PCDH8: variants seen among roughly 807,000 people sequenced by gnomAD.
PCDH8 encodes the protein protocadherin-8.
PCDH8 carries 36 observed loss-of-function variants against 58.2 expected under a neutral mutation model. The ratio of observed to expected loss-of-function variants is 0.62; its 90% CI spans 0.47 to 0.82. PCDH8 has a LOEUF of 0.82. PCDH8 is among the 40% of genes least tolerant of loss of function. The pLI, the probability that PCDH8 is intolerant of heterozygous loss-of-function variation, is 0.00. For synonymous variants in PCDH8, 775 were observed against 728.9 expected (o/e 1.06, Z -1.02); for missense variants, 1,493 against 1,567.8 (o/e 0.95, Z 0.81).
In PCDH8 at chr13:52,845,778, G is replaced by A. The variant is rs756592972; in HGVS notation, c.2631+28C>T. The A allele has an allele frequency of 1.9e-5, 29 of 1,496,664 alleles. No homozygotes were observed. In the South Asian group the frequency reaches 3.8e-4, roughly 20 times the overall value. 92.7% of individuals were successfully genotyped at this position (1,496,664 alleles called of 1,614,324 possible). On this transcript the variant is annotated intron_variant, in intron 1 of 2. Coordinates refer to ENST00000377942, the MANE Select transcript of PCDH8 (RefSeq NM_002590.4). ...CCAGCCTGTCCGCGGAGCTCGGAGG[G>A]GGGCGCCCAGCCGAAGGAAGGCCTC...
At position 52,846,754 on chromosome 13, in the gene PCDH8, G is replaced by T. The variant is rs776135802; in HGVS notation, c.1683C>A (p.Ile561=). ...CATAGTCGAAGCTGCGCAGCGCGTA[G>T]ATGGCTCCGGTAGCTGGGTCCACCG... ...YVSVDPATGA[I]YALRSFDYET... is the part of the protein sequence containing the mutation. Residue 561 remains isoleucine, a synonymous_variant, in exon 1 of 3, where the codon ATC becomes ATA. Coordinates refer to ENST00000377942, the MANE Select transcript of PCDH8 (RefSeq NM_002590.4). 15 of 1,583,422 alleles carry T rather than the reference G, an allele frequency of 9.5e-6. No homozygotes were observed. The South Asian group carries it at 1.7e-4, about 18-fold the overall frequency.
chr13:52,844,917 G>C lies in PCDH8; in HGVS notation c.2856C>G (p.Thr952=). Residue 952 remains threonine, a synonymous_variant, in exon 3 of 3, where the codon ACC becomes ACG. Coordinates refer to ENST00000377942, the MANE Select transcript of PCDH8 (RefSeq NM_002590.4). ...AGTGGCCCAGGATCTTACACTCAGC[G>C]GTGCACGCCCACAGTCCTAATACGA... ...NHMQSGLWAC[T]AECKILGHSD... 6.5e-7 allele frequency: 1 copy of C among 1,529,292 alleles called. No homozygotes were observed. Among genetic ancestry groups the C allele is most frequent in the East Asian group, 2.3e-5 (1 of 44,106 alleles). 94.7% of individuals were successfully genotyped at this position (1,529,292 alleles called of 1,614,324 possible). A position where few individuals can be genotyped will look rare whatever the true frequency, so the allele number is the denominator to read the frequency against.
In PCDH8 at chr13:52,845,867, G is replaced by A; in HGVS notation, c.2570C>T (p.Ala857Val). The A allele has an allele frequency of 6.6e-7, 1 of 1,512,552 alleles. No homozygotes were observed. Among genetic ancestry groups the A allele is most frequent in the Non-Finnish European group, 8.8e-7 (1 of 1,138,660 alleles). 93.7% of individuals were successfully genotyped at this position (1,512,552 alleles called of 1,614,324 possible). The change falls in exon 1 of 3, where the codon GCC (alanine) becomes GTC (valine). Residue 857 changes from alanine to valine, a missense_variant. By Grantham distance (64) the Ala-to-Val change is moderately conservative (BLOSUM62 0). Transcript: ENST00000377942. ...GAAGTGACAGGCGCTTTCCCCAGTGGCGCTGCCGCCCTCTGAGCCCGGCAC... is the reference window on the plus strand; with the variant it reads ...GAAGTGACAGGCGCTTTCCCCAGTGACGCTGCCGCCCTCTGAGCCCGGCAC... ...AEVPGSEGGS[A>V]TGESACHFEG...
chr13:52,846,229 C>T lies in PCDH8; in HGVS notation c.2208G>A (p.Arg736=). 6.3e-7 allele frequency: 1 copy of T among 1,585,432 alleles called. No homozygotes were observed. ...GCAGCACCGACCCGGACACCCCGAGCCGAGAGCCAGGCGGGCGGGAACGCT... is the reference window on the plus strand; with the variant it reads ...GCAGCACCGACCCGGACACCCCGAGTCGAGAGCCAGGCGGGCGGGAACGCT... ...SPERSRPPGS[R]LGVSGSVLQW... The change falls in exon 1 of 3, where the codon CGG becomes CGA. Residue 736 remains arginine, a synonymous_variant. Transcript: ENST00000377942.
rs531490787 is a variant in PCDH8 at position 52,843,335 on chromosome 13, G to A, written c.*1225C>T. ...ACAATTATCAATATCTTATCAAATCGATCTTGTTTCACATAGCTCCCTGTG... is the reference window on the plus strand; with the variant it reads ...ACAATTATCAATATCTTATCAAATCAATCTTGTTTCACATAGCTCCCTGTG... On this transcript the variant is annotated 3_prime_UTR_variant, in exon 3 of 3. Transcript: ENST00000377942. 10 of 152,058 alleles carry A rather than the reference G, an allele frequency of 6.6e-5. No homozygotes were observed. The highest frequency in any genetic ancestry group is 2.1e-4 in the South Asian group (1 of 4,816). The allele number at this position is 152,058 out of a possible 1,614,324, so 9.4% of individuals were successfully genotyped here.
At position 52,846,049 on chromosome 13, in the gene PCDH8, G is replaced by A; in HGVS notation, c.2388C>T (p.Gly796=). The A allele has an allele frequency of 1.3e-6, 2 of 1,505,694 alleles. No homozygotes were observed. Among genetic ancestry groups the A allele is most frequent in the Non-Finnish European group, 1.7e-6 (2 of 1,144,964 alleles). The allele number at this position is 1,505,694 out of a possible 1,614,324, so 93.3% of individuals were successfully genotyped here. ...ALREERPGAA[G]GGASAPGSPE... ...GGGAGCCGGGAGCCGAGGCTCCGCCGCCCGCCGCCCCGGGCCGCTCTTCCC... is the reference window on the plus strand; with the variant it reads ...GGGAGCCGGGAGCCGAGGCTCCGCCACCCGCCGCCCCGGGCCGCTCTTCCC... The change falls in exon 1 of 3, where the codon GGC becomes GGT. Residue 796 remains glycine (G), a synonymous_variant. Transcript: ENST00000377942.
chr13:52,843,270 C>T lies in PCDH8; in HGVS notation c.*1290G>A, dbSNP rs1312817150. On this transcript the variant is annotated 3_prime_UTR_variant, in exon 3 of 3. Transcript: ENST00000377942. ...CAAACACAAACATTTAGAGATACTG[C>T]TGAAATTTCCCTACCTCACATGCAC... 1 of 152,174 alleles carries T rather than the reference C, an allele frequency of 6.6e-6. No homozygotes were observed. Among genetic ancestry groups the T allele is most frequent in the Non-Finnish European group, 1.5e-5 (1 of 68,040 alleles). 9.4% of individuals were successfully genotyped at this position (152,174 alleles called of 1,614,324 possible). A position where few individuals can be genotyped will look rare whatever the true frequency, so the allele number is the denominator to read the frequency against.
chr13:52,845,002 C>T, intron 2 of PCDH8, 69 bp from the exon 3 acceptor site: 1 of 1,478,464 alleles, frequency 6.8e-7, no homozygotes, highest in Non-Finnish European at 9.1e-7. Flanking sequence ...AGGCTTCCAT[C>T]TTCAGCATGT....
chr13:52,847,818 T>A lies in PCDH8; in HGVS notation c.619A>T (p.Ser207Cys). 6.7e-7 allele frequency: 1 copy of A among 1,487,104 alleles called. No individual in the cohort carries two copies. Among genetic ancestry groups the A allele is most frequent in the Non-Finnish European group, 8.9e-7 (1 of 1,126,090 alleles). The allele number at this position is 1,487,104 out of a possible 1,614,324, so 92.1% of individuals were successfully genotyped here. A position where few individuals can be genotyped will look rare whatever the true frequency, so the allele number is the denominator to read the frequency against. The change falls in exon 1 of 3, where the codon AGC (serine) becomes TGC (cysteine). Residue 207 changes from serine to cysteine, a missense_variant. Coordinates refer to ENST00000377942, the MANE Select transcript of PCDH8 (RefSeq NM_002590.4). Reference sequence around the variant, plus strand: ...AGCTCCAGGCTGTAGGCGGCCTGGCTCTCGCGGTCCAGCTCCTGCAGCAGC... The same window carrying A: ...AGCTCCAGGCTGTAGGCGGCCTGGCACTCGCGGTCCAGCTCCTGCAGCAGC... ...LVLLQELDRE[S>C]QAAYSLELVA...
chr13:52,847,778 C>T lies in PCDH8; in HGVS notation c.659G>A (p.Gly220Asp). The T allele has an allele frequency of 6.9e-7, 1 of 1,457,632 alleles. No individual in the cohort carries two copies. The highest frequency in any genetic ancestry group is 9.0e-7 in the Non-Finnish European group (1 of 1,114,916). 90.3% of individuals were successfully genotyped at this position (1,457,632 alleles called of 1,614,324 possible). The change falls in exon 1 of 3, where the codon GGC becomes GAC. Residue 220 changes from glycine to aspartate, a missense_variant. By Grantham distance (94) the Gly-to-Asp change is moderately conservative. Transcript: ENST00000377942. ...CGTGGCGGAGCGCGGCGGGCGGCCG[C>T]CGTCCTGGGCCACCAGCTCCAGGCT... ...AYSLELVAQD[G>D]GRPPRSATAA...
Position 52,846,136 on chromosome 13 carries a change from G to T in PCDH8, c.2301C>A (p.Ile767=). 6.3e-7 allele frequency: 1 copy of T among 1,582,720 alleles called. No homozygotes were observed. The part of the protein sequence containing the change: ...AGSCTLLLAA[I]IAIATTCNRR... Reference sequence around the variant, plus strand: ...GGTTGCAGGTGGTGGCGATGGCGATGATGGCGGCCAGCAGCAGCGTGCAGC... The same window carrying T: ...GGTTGCAGGTGGTGGCGATGGCGATTATGGCGGCCAGCAGCAGCGTGCAGC... The change falls in exon 1 of 3, where the codon ATC becomes ATA. Residue 767 remains isoleucine (I), a synonymous_variant. Transcript: ENST00000377942.
At position 52,846,044 on chromosome 13, in the gene PCDH8, C is replaced by T; in HGVS notation, c.2393G>A (p.Gly798Glu). Residue 798 changes from glycine (G) to glutamate (E), a missense_variant, in exon 1 of 3, where the codon GGA becomes GAA. Gly to Glu is a moderately conservative substitution (Grantham distance 98). Around this residue, in one of 3 missense-constraint regions of PCDH8, gnomAD observed 1,307 missense variants for 1,362.7 expected, o/e 0.96. Coordinates refer to ENST00000377942, the MANE Select transcript of PCDH8 (RefSeq NM_002590.4). ...REERPGAAGG[G>E]ASAPGSPEEA... ...CTCCGGGGAGCCGGGAGCCGAGGCT[C>T]CGCCGCCCGCCGCCCCGGGCCGCTC... 2 of 1,501,820 alleles carry T rather than the reference C, an allele frequency of 1.3e-6. No homozygotes were observed. The highest frequency in any genetic ancestry group is 8.7e-7 in the Non-Finnish European group (1 of 1,143,364). 93.0% of individuals were successfully genotyped at this position (1,501,820 alleles called of 1,614,324 possible). A position where few individuals can be genotyped will look rare whatever the true frequency, so the allele number is the denominator to read the frequency against.
chr13:52,847,518 T>G lies in PCDH8; in HGVS notation c.919A>C (p.Thr307Pro). The G allele has an allele frequency of 6.3e-7, 1 of 1,582,048 alleles. No individual in the cohort carries two copies. The highest frequency in any genetic ancestry group is 8.5e-7 in the Non-Finnish European group (1 of 1,171,118). The change falls in exon 1 of 3, where the codon ACC becomes CCC. Residue 307 changes from threonine (T) to proline (P), a missense_variant. Physicochemically the swap from Thr to Pro is conservative, Grantham distance 38. Around this residue, in one of 3 missense-constraint regions of PCDH8, gnomAD observed 1,307 missense variants for 1,362.7 expected, o/e 0.96. Coordinates refer to ENST00000377942, the MANE Select transcript of PCDH8 (RefSeq NM_002590.4). The part of the protein sequence containing the change: ...FRLDPRSGRL[T>P]LAGPVDYERQ... The stretch of plus-strand genomic sequence containing the variant: ...TCGTAGTCCACGGGCCCGGCCAGGG[T>G]GAGGCGGCCTGATCGCGGGTCAAGC...
chr13:52,845,888 G>A lies in PCDH8; in HGVS notation c.2549C>T (p.Pro850Leu). 2 of 1,488,004 alleles carry A rather than the reference G, an allele frequency of 1.3e-6. No homozygotes were observed. Among genetic ancestry groups the A allele is most frequent in the Non-Finnish European group, 8.8e-7 (1 of 1,130,088 alleles). The allele number at this position is 1,488,004 out of a possible 1,614,324, so 92.2% of individuals were successfully genotyped here. A position where few individuals can be genotyped will look rare whatever the true frequency, so the allele number is the denominator to read the frequency against. ...AGTGGCGCTGCCGCCCTCTGAGCCC[G>A]GCACTTCGGCCGCGGCGACCGCAGG... Reference protein sequence around the residue: ...PPPAVAAAEVPGSEGGSATGE... With the variant: ...PPPAVAAAEVLGSEGGSATGE... Residue 850 changes from proline to leucine, a missense_variant, in exon 1 of 3, where the codon CCG becomes CTG. Pro to Leu is a moderately conservative substitution (Grantham distance 98). Coordinates refer to ENST00000377942, the MANE Select transcript of PCDH8 (RefSeq NM_002590.4).
chr13:52,846,079 G>T lies in PCDH8; in HGVS notation c.2358C>A (p.Ala786=). The T allele has an allele frequency of 6.4e-7, 1 of 1,565,472 alleles. No individual in the cohort carries two copies. The highest frequency in any genetic ancestry group is 2.4e-5 in the East Asian group (1 of 40,858). ...CCGCCCCGGGCCGCTCTTCCCGGAG[G>T]GCCCCCCCTTTGCGCACCTCCTTCT... ...RRKKEVRKGG[A]LREERPGAAG... The change falls in exon 1 of 3, where the codon GCC becomes GCA. Residue 786 remains alanine (A), a synonymous_variant. Transcript: ENST00000377942.
At chr13:52,845,657 G>A (rs1965717586) in intron 1 of PCDH8, 25 bp from the exon 2 acceptor site, 3 of 1,611,320 alleles carry the variant, frequency 1.9e-6, no homozygotes, top group Non-Finnish European at 2.5e-6. Context: ...AGGGGAATGG[G>A]AGTGGGGGGA....
rs1468627758 is a variant in PCDH8 at position 52,848,295 on chromosome 13, TC to T, written c.141del (p.Thr48ProfsTer8). The T allele has an allele frequency of 6.2e-7, 1 of 1,613,392 alleles. No homozygotes were observed. Among genetic ancestry groups the T allele is most frequent in the Non-Finnish European group, 8.5e-7 (1 of 1,180,032 alleles). On this transcript the variant is annotated frameshift_variant, in exon 1 of 3. Transcript: ENST00000377942. LOFTEE classifies it high-confidence loss of function. ...FEEDAPGTVI[G>X]TLAEDLHMKV... ...TTCATATGCAGGTCCTCGGCCAGGG[TC>T]CCGATGACCGTGCCGGGGGCATCCT...
Position 52,847,237 on chromosome 13 carries a change from C to A in PCDH8, c.1200G>T (p.Leu400=). The change falls in exon 1 of 3, where the codon CTG becomes CTT. Residue 400 remains leucine (L), a synonymous_variant. Coordinates refer to ENST00000377942, the MANE Select transcript of PCDH8 (RefSeq NM_002590.4). Reference sequence around the variant, plus strand: ...TCTCGCGCGCCGCCCCCTCCGGCACCAGCGAAGTGGCACCAGCCTCCGGCG... The same window carrying A: ...TCTCGCGCGCCGCCCCCTCCGGCACAAGCGAAGTGGCACCAGCCTCCGGCG... ...AGTPEAGATS[L]VPEGAARESL... The A allele has an allele frequency of 7.2e-7, 1 of 1,393,042 alleles. No homozygotes were observed. The highest frequency in any genetic ancestry group is 2.9e-5 in the East Asian group (1 of 34,590). 86.3% of individuals were successfully genotyped at this position (1,393,042 alleles called of 1,614,324 possible).
chr13:52,847,231 C>T lies in PCDH8; in HGVS notation c.1206G>A (p.Pro402=), dbSNP rs915515168. 1 of 1,395,216 alleles carries T rather than the reference C, an allele frequency of 7.2e-7. No homozygotes were observed. Among genetic ancestry groups the T allele is most frequent in the Admixed American group, 3.4e-5 (1 of 29,702 alleles). The allele number at this position is 1,395,216 out of a possible 1,614,324, so 86.4% of individuals were successfully genotyped here. A position where few individuals can be genotyped will look rare whatever the true frequency, so the allele number is the denominator to read the frequency against. ...CCAGGCTCTCGCGCGCCGCCCCCTC[C>T]GGCACCAGCGAAGTGGCACCAGCCT... ...TPEAGATSLV[P]EGAARESLVA... is the part of the protein sequence containing the mutation. The change falls in exon 1 of 3, where the codon CCG becomes CCA. Residue 402 remains proline (P), a synonymous_variant. Transcript: ENST00000377942.
Sources: gnomAD v4.1 joint callset for allele counts on GRCh38, gnomAD v4.1.1 for gene constraint, gnomAD v4.1.1 regional missense constraint, MANE v1.5 for transcripts, NCBI Gene and HGNC (gene_info 2026-07-23, HGNC 2026-07-21) for gene names.